Variants in SRGAP3 observed in about 807,000 individuals in gnomAD.
The protein encoded by SRGAP3 is SLIT-ROBO Rho GTPase activating protein 3.
A neutral mutation model predicts 121.1 loss-of-function variants in SRGAP3; 39 were observed. That is an observed-to-expected ratio of 0.32 (90% CI 0.25 to 0.42). SRGAP3 has a LOEUF of 0.42. Among genes scored for constraint, SRGAP3 ranks in the 10% least tolerant of loss-of-function variants. SRGAP3 has a pLI of 1.00. For missense variants in SRGAP3, 1,213 were observed against 1,470.6 expected (o/e 0.82, Z 2.86); for synonymous variants, 601 against 570.0 (o/e 1.05, Z -0.77).
intron 11 of SRGAP3, chr3:9,034,125 A>G (rs1944633600): frequency 6.6e-6 from 1 of 152,198 alleles, no homozygotes; most frequent in African/African-American, 2.4e-5. Flanking sequence ...ATTGCTCACC[A>G]TGCATATACC....
Position 9,032,707 on chromosome 3 carries a change from C to G in SRGAP3, c.1482G>C (p.Arg494Ser). ...GTTTATGGCTATACACTGAGAGAGG[C>G]CTAGGTCTCCTCATTTTCTGTGGTT... is the stretch of plus-strand genomic sequence containing the variant. ...PPKPQKMRRP[R>S]PLSVYSHKLF... Residue 494 changes from arginine (R) to serine (S), a missense_variant, in exon 12 of 22, where the codon AGG (arginine) becomes AGC (serine). Physicochemically the swap from Arg to Ser is moderately radical, Grantham distance 110. Around this residue, in one of 2 missense-constraint regions of SRGAP3, gnomAD observed 793 missense variants for 1,032.9 expected, o/e 0.77. Transcript: ENST00000383836. The G allele has an allele frequency of 6.2e-7, 1 of 1,613,128 alleles. No homozygotes were observed. The highest frequency in any genetic ancestry group is 8.5e-7 in the Non-Finnish European group (1 of 1,179,850).
chr3:9,358,876 T>G (rs1385130508), intron 1 of SRGAP3, among the ~76,000 whole-genome samples: 3 of 152,152 alleles, frequency 2.0e-5, no homozygotes, highest in African/African-American at 7.2e-5. Context: ...AGAGGGCCCT[T>G]GGCCCTCTGA....
chr3:9,290,502 C>A lies in SRGAP3; in HGVS notation n.442+35508G>T, dbSNP rs79082025. Among the ~76,000 whole-genome samples, 60 of 152,252 alleles carry A rather than the reference C, an allele frequency of 3.9e-4. No homozygotes were observed. The East Asian group carries it at 0.011, about 29-fold the overall frequency. On this transcript the variant is annotated intron_variant and non_coding_transcript_variant, in intron 3 of 3. Transcript: ENST00000490889. ...CCCTAAATGTCATTTGACATTCGAA[C>A]CTTATCCAGTAGGTAATGGAGGGAC... is the stretch of plus-strand genomic sequence containing the variant.
intron 3 of SRGAP3, among the ~76,000 whole-genome samples, chr3:9,281,865 G>GTT (rs1954686392): frequency 6.6e-6 from 1 of 152,002 alleles, no homozygotes; most frequent in Non-Finnish European, 1.5e-5. Flanking sequence ...TAGAGACAGG[G>GTT]TTTCGCTATG....
intron 5 of SRGAP3, among the ~76,000 whole-genome samples, chr3:9,063,938 C>T (rs1240042787): frequency 6.6e-6 from 1 of 152,206 alleles, no homozygotes; most frequent in Non-Finnish European, 1.5e-5. Context: ...GAGCCCTTCA[C>T]CAGCTTTCCA....
chr3:9,013,166 G>T, intron 17 of SRGAP3, 142 bp downstream of exon 17: 1 of 796,266 alleles, frequency 1.3e-6, no homozygotes, highest in Non-Finnish European at 2.1e-6. Context: ...CTCATGTGAA[G>T]CTGCTGTGAA....
At chr3:9,352,336 C>T (rs1313995233) in intron 1 of SRGAP3, among the ~76,000 whole-genome samples, 3 of 149,288 alleles carry the variant, frequency 2.0e-5, no homozygotes, top group Non-Finnish European at 4.4e-5. Context: ...CACAGTGGCA[C>T]GATCTCAGCT....
At chr3:9,329,337 C>T (rs1955567272) in intron 2 of SRGAP3, among the ~76,000 whole-genome samples, 1 of 152,162 alleles carries the variant, frequency 6.6e-6, no homozygotes, top group Non-Finnish European at 1.5e-5. Flanking sequence ...CCCTGAGGGG[C>T]CCCAGTGACC....
chr3:9,276,795 C>G (rs1334807469), intron 3 of SRGAP3, among the ~76,000 whole-genome samples: 2 of 152,178 alleles, frequency 1.3e-5, no homozygotes, highest in East Asian at 1.9e-4. Context: ...CAAATGTGGC[C>G]CTCTTCAACA....
chr3:9,143,304 A>G (rs1418347828), intron 1 of SRGAP3, among the ~76,000 whole-genome samples: 1 of 152,152 alleles, frequency 6.6e-6, no homozygotes, highest in African/African-American at 2.4e-5. Flanking sequence ...CTCTTCCCTC[A>G]ACCTCCAGAC....
At chr3:9,035,595 C>T (rs1944708045) in intron 11 of SRGAP3, 1 of 182,016 alleles carries the variant, frequency 5.5e-6, no homozygotes, top group East Asian at 8.9e-5. Flanking sequence ...TTCTGCTGCT[C>T]AGATGCAGAG....
chr3:9,047,562 A>G, intron 9 of SRGAP3, 87 bp from the exon 10 acceptor site: 9 of 1,345,104 alleles, frequency 6.7e-6, no homozygotes, highest in Non-Finnish European at 9.5e-6. Context: ...TGGGACACGG[A>G]AGCCGAACAG....
At chr3:9,317,017 T>A (rs550302549) in intron 3 of SRGAP3, among the ~76,000 whole-genome samples, 1 of 152,206 alleles carries the variant, frequency 6.6e-6, no homozygotes, top group Non-Finnish European at 1.5e-5. Flanking sequence ...TCCTTTCTCC[T>A]GCCAAATCAA....
chr3:9,019,505 C>G (rs569566192), intron 14 of SRGAP3, among the ~76,000 whole-genome samples: 1 of 152,186 alleles, frequency 6.6e-6, no homozygotes, highest in South Asian at 2.1e-4. Flanking sequence ...AAGGCAGCAG[C>G]GAGCCTTCTG....
chr3:9,036,422 T>C (rs1271366263), intron 11 of SRGAP3: 3 of 152,250 alleles, frequency 2.0e-5, no homozygotes, highest in Non-Finnish European at 4.4e-5. Context: ...CACAGGGCTA[T>C]GTCTGCAATT....
intron 1 of SRGAP3, among the ~76,000 whole-genome samples, chr3:9,183,876 T>C (rs1268215359): frequency 6.6e-6 from 1 of 151,754 alleles, no homozygotes; most frequent in Non-Finnish European, 1.5e-5. Flanking sequence ...CCCACAGCTG[T>C]ACCCCGAGAT....
intron 1 of SRGAP3, among the ~76,000 whole-genome samples, chr3:9,168,654 G>T (rs991377546): frequency 6.6e-6 from 1 of 152,184 alleles, no homozygotes; most frequent in Admixed American, 6.5e-5. Flanking sequence ...CCATCTTTTC[G>T]TACGTGCTTG....
intron 1 of SRGAP3, among the ~76,000 whole-genome samples, chr3:9,233,645 G>C (rs1195542225): frequency 6.6e-6 from 1 of 152,140 alleles, no homozygotes; most frequent in African/African-American, 2.4e-5. Context: ...ATCCTAAAGA[G>C]CTCAGGAAAC....
At chr3:9,346,505 A>G (rs1193003255) in intron 1 of SRGAP3, among the ~76,000 whole-genome samples, 3 of 152,106 alleles carry the variant, frequency 2.0e-5, no homozygotes. Context: ...ATTTCACCAA[A>G]TTACTCCCCA....
Sources: allele counts gnomAD v4.1 joint callset (sites outside exome capture counted in the v4.1 genomes callset), GRCh38; gene constraint gnomAD v4.1.1; regional missense constraint gnomAD v4.1.1; transcripts MANE v1.5; gene names NCBI Gene and HGNC (gene_info 2026-07-23, HGNC 2026-07-21).